CRB2: variants seen among roughly 807,000 people sequenced by gnomAD.
The protein encoded by CRB2 is crumbs cell polarity complex component 2, also known as protein crumbs homolog 2.
In CRB2, 85 loss-of-function variants were observed where a neutral mutation model predicts 110.9. That is an observed-to-expected ratio of 0.77 (90% confidence interval 0.64 to 0.92). The LOEUF (loss-of-function observed/expected upper bound fraction) is 0.92. CRB2 is among the 40% of genes least tolerant of loss of function. CRB2 has a pLI of 0.00. For missense variants in CRB2, 1,843 were observed against 1,851.3 expected (o/e 1.00, Z 0.08); for synonymous variants, 907 against 831.0 (o/e 1.09, Z -1.57).
rs199695001 is a variant in CRB2, at chr9:123,356,298, C to T, written c.38C>T (p.Ala13Val). 1.5e-4 allele frequency: 226 copies of T among 1,545,244 alleles called. No individual in the cohort carries two copies. In the Middle Eastern group the frequency reaches 2.4e-3, roughly 16 times the overall value. ...LARPGTPDPQ[A>V]LASVLLLLLW... is the part of the protein sequence containing the mutation. ...AGGCCTGGGACCCCGGACCCCCAGG[C>T]CCTGGCCTCTGTCCTGCTACTGCTG... is the stretch of plus-strand genomic sequence containing the variant. The change falls in exon 1 of 13, where the codon GCC (alanine) becomes GTC (valine). Residue 13 changes from alanine to valine, a missense_variant. Transcript: ENST00000373631.
rs762059348 is a variant in CRB2, at chr9:123,373,706, G to C, written c.3175G>C (p.Val1059Leu). The C allele has an allele frequency of 6.6e-7, 1 of 1,511,170 alleles. No homozygotes were observed. Among genetic ancestry groups the C allele is most frequent in the Admixed American group, 2.2e-5 (1 of 46,160 alleles). 93.6% of individuals were successfully genotyped at this position (1,511,170 alleles called of 1,614,324 possible). Residue 1059 changes from valine to leucine, a missense_variant, in exon 10 of 13, where the codon GTG becomes CTG. Physicochemically the swap from Val to Leu is conservative, Grantham distance 32. Transcript: ENST00000373631. Reference sequence around the variant, plus strand: ...GATCCTCGGCTGCCGCGGCGCGCCCGTGTGTGCGCCCTCGCCCTGTCTGCA... The same window carrying C: ...GATCCTCGGCTGCCGCGGCGCGCCCCTGTGTGCGCCCTCGCCCTGTCTGCA... The part of the protein sequence containing the change: ...APILGCRGAP[V>L]CAPSPCLHDG...
At chr9:123,366,962 A>T (rs1414766927) in intron 4 of CRB2, among the ~76,000 whole-genome samples, 2 of 145,162 alleles carry the variant, frequency 1.4e-5, no homozygotes, top group Non-Finnish European at 3.0e-5. Context: ...AAAAAAAAAA[A>T]TTAGTAGTAA....
intron 11 of CRB2, 86 bp downstream of exon 11, chr9:123,374,781 CCCA>C: frequency 1.2e-6 from 1 of 866,294 alleles, no homozygotes; most frequent in Non-Finnish European, 1.8e-6. Flanking sequence ...GGGGTCCTCG[CCCA>C]CCTTCTCACC....
At chr9:123,367,100 A>C in intron 4 of CRB2, 72 bp from the exon 5 acceptor site, 1 of 1,457,120 alleles carries the variant, frequency 6.9e-7, no homozygotes. Context: ...GGCCCTCGCT[A>C]GCCTGGTCAT....
Position 123,370,522 on chromosome 9 carries a change from C to T in CRB2, c.1469C>T (p.Ala490Val). Residue 490 changes from alanine to valine, a missense_variant, in exon 7 of 13, where the codon GCA becomes GTA. Ala to Val is a moderately conservative substitution (Grantham distance 64). Coordinates refer to ENST00000373631, the MANE Select transcript of CRB2 (RefSeq NM_173689.7). ...TKESLELALV[A>V]ATLQATLWSY... is the part of the protein sequence containing the mutation. ...GAAAGCTTGGAGCTGGCATTGGTGGCAGCCACACTTCAGGCCACACTCTGG... is the reference window on the plus strand; with the variant it reads ...GAAAGCTTGGAGCTGGCATTGGTGGTAGCCACACTTCAGGCCACACTCTGG... 1 of 1,613,546 alleles carries T rather than the reference C, an allele frequency of 6.2e-7. No homozygotes were observed. Among genetic ancestry groups the T allele is most frequent in the Non-Finnish European group, 8.5e-7 (1 of 1,180,040 alleles).
chr9:123,373,209 T>C lies in CRB2; in HGVS notation c.2678T>C (p.Leu893Pro), dbSNP rs1405165783. ...SGHNASSGRL[L>P]GGLSLAFRTR... is the part of the protein sequence containing the mutation. The stretch of plus-strand genomic sequence containing the variant: ...CACAACGCGTCGTCAGGGCGCTTGC[T>C]CGGCGGCCTGTCGCTGGCCTTTCGC... The change falls in exon 10 of 13, where the codon CTC becomes CCC. Residue 893 changes from leucine to proline, a missense_variant. Physicochemically the swap from Leu to Pro is moderately conservative, Grantham distance 98. Transcript: ENST00000373631. 2.0e-6 allele frequency: 3 copies of C among 1,511,992 alleles called. No homozygotes were observed. Among genetic ancestry groups the C allele is most frequent in the South Asian group, 2.4e-5 (2 of 82,318 alleles). The allele number at this position is 1,511,992 out of a possible 1,614,324, so 93.7% of individuals were successfully genotyped here.
intron 1 of CRB2, among the ~76,000 whole-genome samples, chr9:123,356,953 G>GGATGT (rs1290764769): frequency 6.6e-6 from 1 of 152,042 alleles, no homozygotes; most frequent in Non-Finnish European, 1.5e-5. Flanking sequence ...GAGGGGTGTG[G>GGATGT]GATGTGCACA....
At chr9:123,357,017 G>A (rs1215868059) in intron 1 of CRB2, among the ~76,000 whole-genome samples, 2 of 152,060 alleles carry the variant, frequency 1.3e-5, no homozygotes, top group Non-Finnish European at 2.9e-5. Flanking sequence ...TCAGGGAGCT[G>A]GGTGCCTGCC....
chr9:123,373,219 G>T lies in CRB2; in HGVS notation c.2688G>T (p.Leu896=). 1 of 1,509,284 alleles carries T rather than the reference G, an allele frequency of 6.6e-7. No homozygotes were observed. Among genetic ancestry groups the T allele is most frequent in the Non-Finnish European group, 8.8e-7 (1 of 1,136,068 alleles). 93.5% of individuals were successfully genotyped at this position (1,509,284 alleles called of 1,614,324 possible). A position where few individuals can be genotyped will look rare whatever the true frequency, so the allele number is the denominator to read the frequency against. The change falls in exon 10 of 13, where the codon CTG becomes CTT. Residue 896 remains leucine (L), a synonymous_variant. Transcript: ENST00000373631. ...CGTCAGGGCGCTTGCTCGGCGGCCT[G>T]TCGCTGGCCTTTCGCACGCGCGACT... is the stretch of plus-strand genomic sequence containing the variant. ...NASSGRLLGG[L]SLAFRTRDSE...
downstream of CRB2, chr9:123,378,782 G>C (rs1323384100): frequency 7.0e-6 from 1 of 143,196 alleles, no homozygotes; most frequent in Non-Finnish European, 1.5e-5. Flanking sequence ...CCTGGCTCCT[G>C]TGGGTTCGGG....
At position 123,372,243 on chromosome 9, in the gene CRB2, G is replaced by T; in HGVS notation, c.2503G>T (p.Ala835Ser). 3 of 1,614,092 alleles carry T rather than the reference G, an allele frequency of 1.9e-6. No individual in the cohort carries two copies. The highest frequency in any genetic ancestry group is 2.5e-6 in the Non-Finnish European group (3 of 1,180,008). Residue 835 changes from alanine to serine, a missense_variant, in exon 9 of 13, where the codon GCC (alanine) becomes TCC (serine). Ala to Ser is a moderately conservative substitution (Grantham distance 99). Transcript: ENST00000373631. ...GAATGACTTCCACTGTACCTGCCCT[G>T]CCAATTTCACGGGGCCTACGTGTGC... ...TWNDFHCTCP[A>S]NFTGPTCAQQ...
Position 123,373,123 on chromosome 9 carries a change from T to G in CRB2, c.2603-11T>G. The G allele has an allele frequency of 6.7e-7, 1 of 1,486,246 alleles. No individual in the cohort carries two copies. The highest frequency in any genetic ancestry group is 8.9e-7 in the Non-Finnish European group (1 of 1,121,384). 92.1% of individuals were successfully genotyped at this position (1,486,246 alleles called of 1,614,324 possible). ...CCGTGGGCTATTCCCTGAGGCTCCT[T>G]CTCTCCGCAGGTGTGGCGGAGGCCA... is the stretch of plus-strand genomic sequence containing the variant. On this transcript the variant is annotated splice_polypyrimidine_tract_variant and intron_variant, in intron 9 of 12. Coordinates refer to ENST00000373631, the MANE Select transcript of CRB2 (RefSeq NM_173689.7).
chr9:123,367,331 T>C lies in CRB2; in HGVS notation c.914T>C (p.Leu305Pro). 6.2e-7 allele frequency: 1 copy of C among 1,603,850 alleles called. No individual in the cohort carries two copies. Among genetic ancestry groups the C allele is most frequent in the South Asian group, 1.1e-5 (1 of 91,004 alleles). ...AGCTTCCGCCATGCTGCGGGTTTCCTGTGCCACTGCCCTCCTGGCTTTGAG... is the reference window on the plus strand; with the variant it reads ...AGCTTCCGCCATGCTGCGGGTTTCCCGTGCCACTGCCCTCCTGGCTTTGAG... ...AFSFRHAAGF[L>P]CHCPPGFEGA... is the part of the protein sequence containing the mutation. The change falls in exon 5 of 13, where the codon CTG becomes CCG. Residue 305 changes from leucine (L) to proline (P), a missense_variant. Leu to Pro is a moderately conservative substitution (Grantham distance 98). Coordinates refer to ENST00000373631, the MANE Select transcript of CRB2 (RefSeq NM_173689.7).
downstream of CRB2, chr9:123,378,805 G>GTTTTTTTTTTTTTTTTTTTTTT (rs1166539194): frequency 9.9e-6 from 1 of 100,978 alleles, no homozygotes; most frequent in African/African-American, 4.3e-5. Context: ...CCTGTTTTTT[G>GTTTTTTTTTTTTTTTTTTTTTT]TTTTTTTTTT....
chr9:123,373,897 T>TGGCTTCGGGGGCCCGCGC lies in CRB2; in HGVS notation c.3367_3384dup (p.Gly1123_Arg1128dup). On this transcript the variant is annotated inframe_insertion, in exon 10 of 13. Transcript: ENST00000373631. ...GCCGCTTCGAGTGCCGCTGCCCGCC[T>TGGCTTCGGGGGCCCGCGC]GGCTTCGGGGGCCCGCGCTGCAGGT... 1 of 1,548,330 alleles carries TGGCTTCGGGGGCCCGCGC rather than the reference T, an allele frequency of 6.5e-7. No homozygotes were observed. Among genetic ancestry groups the TGGCTTCGGGGGCCCGCGC allele is most frequent in the Non-Finnish European group, 8.7e-7 (1 of 1,148,110 alleles).
Position 123,373,233 on chromosome 9 carries a change from G to C in CRB2, c.2702G>C (p.Arg901Pro), listed in dbSNP as rs1323020848. Residue 901 changes from arginine (R) to proline (P), a missense_variant, in exon 10 of 13, where the codon CGC becomes CCC. By Grantham distance (103) the Arg-to-Pro change is moderately radical. Transcript: ENST00000373631. ...CTCGGCGGCCTGTCGCTGGCCTTTC[G>C]CACGCGCGACTCCGAGGCCTGGCTG... is the stretch of plus-strand genomic sequence containing the variant. ...RLLGGLSLAFRTRDSEAWLLR... is the reference protein window; with the variant it reads ...RLLGGLSLAFPTRDSEAWLLR... 2 of 1,505,862 alleles carry C rather than the reference G, an allele frequency of 1.3e-6. No homozygotes were observed. Among genetic ancestry groups the C allele is most frequent in the Non-Finnish European group, 1.8e-6 (2 of 1,134,726 alleles). 93.3% of individuals were successfully genotyped at this position (1,505,862 alleles called of 1,614,324 possible). A position where few individuals can be genotyped will look rare whatever the true frequency, so the allele number is the denominator to read the frequency against.
rs141610287 is a variant in CRB2, at chr9:123,371,525, G to A, written c.2383G>A (p.Gly795Ser). 46 of 1,613,060 alleles carry A rather than the reference G, an allele frequency of 2.9e-5. 1 individual carries two copies. The highest frequency in any genetic ancestry group is 1.6e-4 in the Middle Eastern group (1 of 6,084). ...DNSSQPSELGGRQSWNLTAGC... is the reference protein window; with the variant it reads ...DNSSQPSELGSRQSWNLTAGC... ...CTCAAGCCAGCCCAGCGAGCTCGGC[G>A]GCAGGCAGTCCTGGAACCTCACTGC... Residue 795 changes from glycine to serine, a missense_variant, in exon 8 of 13, where the codon GGC (glycine) becomes AGC (serine). By Grantham distance (56) the Gly-to-Ser change is moderately conservative. Transcript: ENST00000373631.
Position 123,367,274 on chromosome 9 carries a change from G to T in CRB2, c.857G>T (p.Gly286Val), listed in dbSNP as rs1380587797. ...CAGCGCTCTGACCCGGCCCTCTACG[G>T]GGGTGTCCAGGCCGCCTTCCCTGGC... Reference protein sequence around the residue: ...CLQRSDPALYGGVQAAFPGAF... With the variant: ...CLQRSDPALYVGVQAAFPGAF... Residue 286 changes from glycine to valine, a missense_variant, in exon 5 of 13, where the codon GGG (glycine) becomes GTG (valine). Coordinates refer to ENST00000373631, the MANE Select transcript of CRB2 (RefSeq NM_173689.7). 1.1e-5 allele frequency: 17 copies of T among 1,600,468 alleles called. No homozygotes were observed. Among genetic ancestry groups the T allele is most frequent in the Non-Finnish European group, 1.4e-5 (16 of 1,178,434 alleles).
In CRB2 at chr9:123,367,192, G is replaced by C. The variant is rs373930614; in HGVS notation, c.775G>C (p.Glu259Gln). 37 of 1,600,170 alleles carry C rather than the reference G, an allele frequency of 2.3e-5. No individual in the cohort carries two copies. Among genetic ancestry groups the C allele is most frequent in the Non-Finnish European group, 3.0e-5 (35 of 1,177,848 alleles). ...CWPGYSGELC[E>Q]VDEDECASSP... ...CCCAGGCTACAGCGGCGAGCTGTGC[G>C]AGGTGGACGAGGACGAGTGTGCATC... Residue 259 changes from glutamate (E) to glutamine (Q), a missense_variant, in exon 5 of 13, where the codon GAG (glutamate) becomes CAG (glutamine). Transcript: ENST00000373631.
Sources: gnomAD v4.1 joint callset for allele counts (sites outside exome capture counted in the v4.1 genomes callset) on GRCh38, gnomAD v4.1.1 for gene constraint, MANE v1.5 for transcripts, NCBI Gene and HGNC (gene_info 2026-07-23, HGNC 2026-07-21) for gene names.